GIGYF2: variants seen among roughly 807,000 people sequenced by gnomAD.
GIGYF2 encodes GRB10 interacting GYF protein 2, also known as GRB10-interacting GYF protein 2.
GIGYF2 carries 25 observed loss-of-function variants against 208.1 expected under a neutral mutation model. That is an observed-to-expected ratio of 0.12 (90% confidence interval 0.09 to 0.17). The LOEUF (loss-of-function observed/expected upper bound fraction) is 0.17. Ranked by LOEUF, GIGYF2 falls within the 10% of genes least tolerant of loss-of-function variation. The pLI is 1.00. For missense variants in GIGYF2, 1,302 were observed against 1,579.4 expected (o/e 0.82, Z 2.98); for synonymous variants, 534 against 543.8 (o/e 0.98, Z 0.25).
chr2:232,831,903 A>G (rs1017396148), intron 21 of GIGYF2, among the ~76,000 whole-genome samples: 7 of 152,192 alleles, frequency 4.6e-5, no homozygotes, highest in African/African-American at 1.4e-4. Flanking sequence ...CCCCAGTTGG[A>G]TCACATGGCT....
chr2:232,836,307 T>TAG, intron 22 of GIGYF2, among the ~76,000 whole-genome samples: 1 of 20,010 alleles, frequency 5.0e-5, no homozygotes, highest in South Asian at 1.2e-3. Context: ...TATATATATA[T>TAG]ATATATATAT....
At chr2:232,812,808 A>T (rs1003548031) in intron 18 of GIGYF2, among the ~76,000 whole-genome samples, 2 of 152,150 alleles carry the variant, frequency 1.3e-5, no homozygotes, top group Non-Finnish European at 2.9e-5. Flanking sequence ...GCATACATAA[A>T]AACATAGTAA....
chr2:232,742,149 A>G (rs576793334), intron 3 of GIGYF2, among the ~76,000 whole-genome samples: 5 of 152,202 alleles, frequency 3.3e-5, no homozygotes, highest in Non-Finnish European at 7.3e-5. Flanking sequence ...ATGATGCATA[A>G]TGTTTACCTT....
At chr2:232,730,397 G>A (rs1697413727) in intron 2 of GIGYF2, among the ~76,000 whole-genome samples, 2 of 151,636 alleles carry the variant, frequency 1.3e-5, no homozygotes, top group South Asian at 4.2e-4. Context: ...TTAAGGTTGG[G>A]AGTTCGAGAC....
At chr2:232,716,373 T>C (rs1009007695) in intron 2 of GIGYF2, among the ~76,000 whole-genome samples, 39 of 129,320 alleles carry the variant, frequency 3.0e-4, no homozygotes, top group Non-Finnish European at 5.8e-4. Flanking sequence ...TGGTGTTATT[T>C]GTTTTTTTTT....
At chr2:232,752,240 A>G (rs1698360359) in intron 5 of GIGYF2, among the ~76,000 whole-genome samples, 1 of 152,180 alleles carries the variant, frequency 6.6e-6, no homozygotes, top group Non-Finnish European at 1.5e-5. Context: ...ATGATCAGGT[A>G]CCCCTTCAGA....
At chr2:232,756,607 C>T (rs1196479430) in intron 6 of GIGYF2, among the ~76,000 whole-genome samples, 1 of 152,156 alleles carries the variant, frequency 6.6e-6, no homozygotes, top group Admixed American at 6.5e-5. Flanking sequence ...CCATGTTCCT[C>T]ATCCCTGGAG....
At chr2:232,781,321 CAA>C (rs1553613021) in intron 8 of GIGYF2, among the ~76,000 whole-genome samples, 7 of 149,732 alleles carry the variant, frequency 4.7e-5, no homozygotes, top group Non-Finnish European at 7.5e-5. Flanking sequence ...CACACACACA[CAA>C]CTTATAAAGA....
chr2:232,751,001 G>GT (rs1242390137), intron 5 of GIGYF2, among the ~76,000 whole-genome samples: 1 of 151,772 alleles, frequency 6.6e-6, no homozygotes, highest in Non-Finnish European at 1.5e-5. Context: ...GGCTAGTTTC[G>GT]TTTTTTGTAG....
In GIGYF2 at chr2:232,790,777, T is replaced by C. The variant is rs370659229; in HGVS notation, c.792T>C (p.Asp264=). 7.4e-6 allele frequency: 12 copies of C among 1,614,020 alleles called. No individual in the cohort carries two copies. The highest frequency in any genetic ancestry group is 5.0e-5 in the Admixed American group (3 of 60,004). The change falls in exon 10 of 29, where the codon GAT becomes GAC. Residue 264 remains aspartate (D), a synonymous_variant. Coordinates refer to ENST00000373563, the MANE Select transcript of GIGYF2 (RefSeq NM_001103146.3). The part of the protein sequence containing the change: ...RFEFDFRDRD[D]ERGYRRVRSG... Reference sequence around the variant, plus strand: ...AGTTTGATTTTCGAGATAGAGATGATGAACGGGGTTACCGAAGGGTTCGCT... The same window carrying C: ...AGTTTGATTTTCGAGATAGAGATGACGAACGGGGTTACCGAAGGGTTCGCT...
chr2:232,850,666 A>G (rs1690276935), intron 28 of GIGYF2, among the ~76,000 whole-genome samples: 1 of 152,170 alleles, frequency 6.6e-6, no homozygotes, highest in Non-Finnish European at 1.5e-5. Context: ...ATTGTTTGAT[A>G]TTTAATATGA....
At chr2:232,750,110 G>A (rs907837858) in intron 5 of GIGYF2, among the ~76,000 whole-genome samples, 11 of 151,838 alleles carry the variant, frequency 7.2e-5, no homozygotes, top group African/African-American at 2.7e-4. Flanking sequence ...GCTTGAACTC[G>A]GGAGACAGAG....
At chr2:232,710,499 G>T (rs1696340130) in intron 2 of GIGYF2, among the ~76,000 whole-genome samples, 1 of 152,178 alleles carries the variant, frequency 6.6e-6, no homozygotes, top group Non-Finnish European at 1.5e-5. Context: ...GCCAGGTGCT[G>T]GACTAGCCCT....
intron 2 of GIGYF2, among the ~76,000 whole-genome samples, chr2:232,727,936 T>A (rs963597702): frequency 2.0e-5 from 3 of 152,234 alleles, no homozygotes; most frequent in African/African-American, 7.2e-5. Context: ...TGCTTCCTTT[T>A]AAGCTTTATA....
chr2:232,764,872 A>G (rs1010623558), intron 8 of GIGYF2, among the ~76,000 whole-genome samples: 3 of 152,200 alleles, frequency 2.0e-5, no homozygotes, highest in African/African-American at 4.8e-5. Flanking sequence ...TTTTAACTAT[A>G]TTAATCCAAT....
chr2:232,729,857 T>C (rs1697373184), intron 2 of GIGYF2: 1 of 734,076 alleles, frequency 1.4e-6, no homozygotes, highest in African/African-American at 1.7e-5. Context: ...AGCCTCTTCG[T>C]TTCTTCACTT....
At chr2:232,702,102 G>A (rs140241231) in intron 1 of GIGYF2, among the ~76,000 whole-genome samples, 20 of 152,130 alleles carry the variant, frequency 1.3e-4, no homozygotes, top group African/African-American at 4.8e-4. Context: ...AGCTCTGATT[G>A]TACCACTACA....
chr2:232,707,882 CCTGT>C (rs1469621745), intron 2 of GIGYF2, among the ~76,000 whole-genome samples: 2 of 152,098 alleles, frequency 1.3e-5, no homozygotes, highest in African/African-American at 4.8e-5. Flanking sequence ...AGGTGATCCA[CCTGT>C]CTTGGCCTCC....
chr2:232,795,982 A>G (rs531576810), intron 13 of GIGYF2, 80 bp from the exon 14 acceptor site: 23 of 993,154 alleles, frequency 2.3e-5, no homozygotes, highest in South Asian at 2.3e-4. Flanking sequence ...TCCAAAAAAA[A>G]GGGGCAGGCA....
Sources: allele counts gnomAD v4.1 joint callset (sites outside exome capture counted in the v4.1 genomes callset), GRCh38; gene constraint gnomAD v4.1.1; transcripts MANE v1.5; gene names NCBI Gene and HGNC (gene_info 2026-07-23, HGNC 2026-07-21).